Variants in CSMD2 observed in about 807,000 individuals in gnomAD.
CSMD2 encodes CUB and sushi domain-containing protein 2.
In CSMD2, 130 loss-of-function variants were observed where a neutral mutation model predicts 398.5. That is an observed-to-expected ratio of 0.33 (90% CI 0.28 to 0.38). The LOEUF is 0.38. Among genes scored for constraint, CSMD2 ranks in the 10% least tolerant of loss-of-function variants. The probability of loss-of-function intolerance (pLI) is 1.00; values close to 1 mark genes in which losing one functional copy is unlikely to be tolerated. For synonymous variants in CSMD2, 1,828 were observed against 1,908.5 expected (o/e 0.96, Z 1.10); for missense variants, 3,829 against 4,764.9 (o/e 0.80, Z 5.78).
In CSMD2 at chr1:33,624,778, C is replaced by A; in HGVS notation, c.5501-135G>T. The A allele has an allele frequency of 8.2e-7, 1 of 1,222,030 alleles. No individual in the cohort carries two copies. The highest frequency in any genetic ancestry group is 1.1e-6 in the Non-Finnish European group (1 of 892,026). 75.7% of individuals were successfully genotyped at this position (1,222,030 alleles called of 1,614,324 possible). On this transcript the variant is annotated intron_variant, in intron 34 of 70. Transcript: ENST00000373381. This position sits in a 1 kb window ranked among gnomAD's most constrained non-coding sequence, Gnocchi z 4.7. ...GGGTGTCTCCCTAATGTCCCCAGTC[C>A]TGCCTTCTCCACGGCCTCTCCCCAT...
At chr1:34,005,380 T>G (rs1345232227) in intron 3 of CSMD2, among the ~76,000 whole-genome samples, 1 of 152,240 alleles carries the variant, frequency 6.6e-6, no homozygotes, top group Non-Finnish European at 1.5e-5. Flanking sequence ...AACTTTTAAA[T>G]GCTCCTAATA....
At chr1:33,546,268 G>C in intron 56 of CSMD2, 49 bp from the exon 57 acceptor site, 1 of 1,559,440 alleles carries the variant, frequency 6.4e-7, no homozygotes, top group Non-Finnish European at 8.7e-7. Context: ...GGAAGAAAAG[G>C]GAGTGGAGAA....
intron 2 of CSMD2, among the ~76,000 whole-genome samples, chr1:34,065,504 C>T (rs947433594): frequency 1.3e-5 from 2 of 152,124 alleles, no homozygotes; most frequent in East Asian, 3.9e-4. Context: ...TAAGCAGGGC[C>T]GGCTGCACAG....
chr1:34,037,544 C>T (rs887119757), intron 2 of CSMD2, among the ~76,000 whole-genome samples: 3 of 152,214 alleles, frequency 2.0e-5, no homozygotes, highest in Admixed American at 1.3e-4. Flanking sequence ...TCCCCAGACC[C>T]CATCCTAGCA....
chr1:33,918,081 A>T lies in CSMD2; in HGVS notation c.920+13T>A. 6.2e-7 allele frequency: 1 copy of T among 1,610,836 alleles called. No homozygotes were observed. Among genetic ancestry groups the T allele is most frequent in the Non-Finnish European group, 8.5e-7 (1 of 1,178,114 alleles). ...GAGAATAGGGTAGGAAAGGAAGGTG[A>T]TGTTGTGCTTACCAGAGGGAGGAGC... On this transcript the variant is annotated intron_variant, in intron 5 of 70. Coordinates refer to ENST00000373381, the MANE Select transcript of CSMD2 (RefSeq NM_001281956.2).
In CSMD2 at chr1:33,533,211, G is replaced by T; in HGVS notation, c.10010C>A (p.Pro3337Gln). 1 of 1,613,966 alleles carries T rather than the reference G, an allele frequency of 6.2e-7. No individual in the cohort carries two copies. ...PDCVPHHCRQ[P>Q]ETPTHANVGA... is the part of the protein sequence containing the mutation. The stretch of plus-strand genomic sequence containing the variant: ...GACGTTGGCATGCGTTGGCGTCTCT[G>T]GCTGCCTGCAGTGGTGGGCTGGATG... The change falls in exon 64 of 71, where the codon CCA (proline) becomes CAA (glutamine). Residue 3337 changes from proline to glutamine, a missense_variant. Pro to Gln is a moderately conservative substitution (Grantham distance 76). Coordinates refer to ENST00000373381, the MANE Select transcript of CSMD2 (RefSeq NM_001281956.2). The surrounding 1 kb of genome is among the most constrained non-coding windows in gnomAD (Gnocchi z 4.2).
intron 4 of CSMD2, among the ~76,000 whole-genome samples, chr1:33,923,210 A>G (rs892720687): frequency 3.3e-5 from 5 of 152,164 alleles, no homozygotes; most frequent in Non-Finnish European, 5.9e-5. Flanking sequence ...GTAATCTCCA[A>G]TACTGGAGGT....
intron 9 of CSMD2, among the ~76,000 whole-genome samples, chr1:33,817,971 G>A (rs1557942934): frequency 6.6e-6 from 1 of 152,190 alleles, no homozygotes; most frequent in African/African-American, 2.4e-5. Context: ...TGGAGAAAAG[G>A]ATGAACACAC....
At chr1:33,921,960 A>G (rs578199395) in intron 4 of CSMD2, among the ~76,000 whole-genome samples, 1 of 152,254 alleles carries the variant, frequency 6.6e-6, no homozygotes, top group South Asian at 2.1e-4. Flanking sequence ...GAGGAAAGAG[A>G]AGCAGCAGGA....
intron 50 of CSMD2, 117 bp downstream of exon 50, chr1:33,572,389 A>G (rs1384754184): frequency 3.9e-5 from 34 of 865,744 alleles, no homozygotes; most frequent in Non-Finnish European, 5.2e-5. Context: ...CTCCATGTCC[A>G]TGTTTTTTTT....
At chr1:34,042,576 G>A (rs1339747264) in intron 2 of CSMD2, among the ~76,000 whole-genome samples, 4 of 152,164 alleles carry the variant, frequency 2.6e-5, no homozygotes, top group South Asian at 2.1e-4. Context: ...GCCCTGAGTC[G>A]TCCCTGAGTG....
At chr1:33,693,237 C>A (rs1002473004) in intron 24 of CSMD2, among the ~76,000 whole-genome samples, 181 bp from the exon 25 acceptor site, 2 of 152,082 alleles carry the variant, frequency 1.3e-5, no homozygotes, top group East Asian at 1.9e-4. Context: ...TATAAAGAAC[C>A]CCTACAAATC....
rs112745641 is a variant in CSMD2, at chr1:33,671,338, G to A, written c.4053-8246C>T. ...CCTAGGTTGCATCTTGGGCACTCATGATAATCTGCAGTCTAACTCCAGCAA... is the reference window on the plus strand; with the variant it reads ...CCTAGGTTGCATCTTGGGCACTCATAATAATCTGCAGTCTAACTCCAGCAA... On this transcript the variant is annotated intron_variant, in intron 25 of 70. Transcript: ENST00000373381. Among the ~76,000 whole-genome samples the A allele has an allele frequency of 3.9e-4, 60 of 152,242 alleles. 5 individuals carry two copies. The highest frequency in any genetic ancestry group is 1.3e-3 in the African/African-American group (56 of 41,542).
intron 25 of CSMD2, among the ~76,000 whole-genome samples, chr1:33,664,037 T>A (rs72890902): frequency 0.017 from 2,523 of 152,318 alleles, 60 homozygotes; most frequent in African/African-American, 0.056. Flanking sequence ...ACTGATGTCT[T>A]TTTTTGTGTT....
chr1:33,758,915 G>A (rs934385042), intron 13 of CSMD2, among the ~76,000 whole-genome samples: 6 of 152,192 alleles, frequency 3.9e-5, no homozygotes, highest in Admixed American at 2.0e-4. Context: ...GTCCCAGAAC[G>A]AGATGTTATG....
At chr1:33,699,929 T>C (rs1438873398) in intron 23 of CSMD2, among the ~76,000 whole-genome samples, 1 of 152,212 alleles carries the variant, frequency 6.6e-6, no homozygotes, top group East Asian at 1.9e-4. Context: ...TCAAACAATA[T>C]GTGGCCTTTG....
intron 28 of CSMD2, among the ~76,000 whole-genome samples, chr1:33,648,014 A>G (rs1643546966): frequency 6.6e-6 from 1 of 152,216 alleles, no homozygotes; most frequent in Non-Finnish European, 1.5e-5. Context: ...AGGTTGATCA[A>G]ACTTTCTACT....
chr1:33,724,386 C>A, intron 18 of CSMD2, 73 bp from the exon 19 acceptor site: 1 of 1,490,890 alleles, frequency 6.7e-7, no homozygotes, highest in East Asian at 2.3e-5. Context: ...CTCCTGGGAC[C>A]CCATCCCCCA....
At chr1:33,991,971 A>G (rs978938553) in intron 3 of CSMD2, among the ~76,000 whole-genome samples, 2 of 152,200 alleles carry the variant, frequency 1.3e-5, no homozygotes, top group African/African-American at 4.8e-5. Flanking sequence ...GAGGATAAGT[A>G]TATGAAAAGA....
Sources: gnomAD v4.1 joint callset for allele counts (sites outside exome capture counted in the v4.1 genomes callset) on GRCh38, gnomAD v4.1.1 for gene constraint, Gnocchi (gnomAD v3.1) non-coding constraint, MANE v1.5 for transcripts, NCBI Gene and HGNC (gene_info 2026-07-23, HGNC 2026-07-21) for gene names.